The following ALDH1A2 variants were observed in gnomAD, a reference collection of about 807,000 sequenced individuals.
The protein encoded by ALDH1A2 is retinal dehydrogenase 2.
Under a neutral mutation model 60.3 loss-of-function variants are expected in ALDH1A2, and 27 were observed. That is an observed-to-expected ratio of 0.45 (90% CI 0.33 to 0.62). The LOEUF (loss-of-function observed/expected upper bound fraction) is 0.62. Ranked by LOEUF, ALDH1A2 falls within the 20% of genes least tolerant of loss-of-function variation. The pLI is 0.02. For missense variants in ALDH1A2, 581 were observed against 643.8 expected, an observed-to-expected ratio of 0.90 and a Z score of 1.06; for synonymous variants, 289 against 232.4, an observed-to-expected ratio of 1.24 and a Z score of -2.21.
At chr15:58,057,072 T>C (rs1329258059) in intron 1 of ALDH1A2, among the ~76,000 whole-genome samples, 3 of 152,112 alleles carry the variant, frequency 2.0e-5, no homozygotes, top group Non-Finnish European at 4.4e-5. Context: ...CTTTTAGGTA[T>C]ACATCCTAGA....
At chr15:57,990,831 G>A (rs1185627812) in intron 7 of ALDH1A2, among the ~76,000 whole-genome samples, 2 of 144,174 alleles carry the variant, frequency 1.4e-5, no homozygotes, top group Admixed American at 7.3e-5. Context: ...AGACAAGATT[G>A]TGCCACTTCA....
intron 7 of ALDH1A2, 58 bp from the exon 8 acceptor site, chr15:57,965,885 G>A (rs1893880717): frequency 7.6e-7 from 1 of 1,318,728 alleles, no homozygotes; most frequent in African/African-American, 1.4e-5. Flanking sequence ...ACAGTCACCG[G>A]CCAATGCCAG....
At chr15:58,015,982 A>G (rs1461982947) in intron 1 of ALDH1A2, among the ~76,000 whole-genome samples, 1 of 152,182 alleles carries the variant, frequency 6.6e-6, no homozygotes, top group African/African-American at 2.4e-5. Flanking sequence ...ACAAAAGGAG[A>G]AAATTAAAAA....
chr15:58,060,921 A>AT (rs1276965950), intron 1 of ALDH1A2, among the ~76,000 whole-genome samples: 1 of 152,166 alleles, frequency 6.6e-6, no homozygotes, highest in African/African-American at 2.4e-5. Flanking sequence ...ATATTTACTG[A>AT]TTTTGTCATG....
intron 4 of ALDH1A2, among the ~76,000 whole-genome samples, chr15:58,005,082 G>C (rs1895405211): frequency 6.6e-6 from 1 of 151,690 alleles, no homozygotes; most frequent in Non-Finnish European, 1.5e-5. Flanking sequence ...CCAGACTTGG[G>C]GCTCTACTGT....
intron 4 of ALDH1A2, among the ~76,000 whole-genome samples, chr15:58,001,278 C>G (rs151220332): frequency 3.3e-5 from 5 of 152,002 alleles, no homozygotes; most frequent in African/African-American, 1.2e-4. Flanking sequence ...CCCATAAAAA[C>G]ATATTAATGA....
At chr15:58,014,620 A>G (rs904523042) in intron 1 of ALDH1A2, 11 of 450,326 alleles carry the variant, frequency 2.4e-5, no homozygotes, top group African/African-American at 1.6e-4. Flanking sequence ...GCTAGTATCC[A>G]TGAGGGTTAA....
At chr15:58,051,575 C>T (rs1357145091) in intron 1 of ALDH1A2, among the ~76,000 whole-genome samples, 5 of 152,122 alleles carry the variant, frequency 3.3e-5, no homozygotes, top group Non-Finnish European at 7.4e-5. Flanking sequence ...ACCCGGAATT[C>T]CTCTACAAGA....
At chr15:58,062,299 G>A (rs1407781905) in intron 1 of ALDH1A2, among the ~76,000 whole-genome samples, 1 of 152,052 alleles carries the variant, frequency 6.6e-6, no homozygotes, top group African/African-American at 2.4e-5. Context: ...ACAGCACAAC[G>A]ATCTGGGGGA....
rs1157930014 is a variant in ALDH1A2 at position 57,961,136 on chromosome 15, C to T, written c.1409+1G>A. On this transcript the variant is annotated splice_donor_variant, in intron 11 of 12. Coordinates refer to ENST00000249750, the MANE Select transcript of ALDH1A2 (RefSeq NM_003888.4). LOFTEE classifies it high-confidence loss of function. ...TGTTACAAGACTGACTCTGATCTTA[C>T]CAAACAGTCCCAGCTTGCATTGCAG... 1 of 1,613,994 alleles carries T rather than the reference C, an allele frequency of 6.2e-7. No individual in the cohort carries two copies. The highest frequency in any genetic ancestry group is 8.5e-7 in the Non-Finnish European group (1 of 1,179,978).
At chr15:58,024,622 A>C (rs1312647586) in intron 1 of ALDH1A2, among the ~76,000 whole-genome samples, 1 of 152,172 alleles carries the variant, frequency 6.6e-6, no homozygotes, top group Non-Finnish European at 1.5e-5. Context: ...GGACTTCAAC[A>C]CCCTCACTGT....
At chr15:57,994,974 C>T in intron 5 of ALDH1A2, 104 bp downstream of exon 5, 1 of 1,135,406 alleles carries the variant, frequency 8.8e-7, no homozygotes, top group Admixed American at 1.7e-5. Flanking sequence ...GTTTTTTTTC[C>T]TCCAGTAATG....
chr15:58,014,557 C>G, intron 1 of ALDH1A2: 1 of 496,354 alleles, frequency 2.0e-6, no homozygotes, highest in Admixed American at 2.3e-5. Flanking sequence ...GTCTCACATA[C>G]ATACAATCAT....
intron 7 of ALDH1A2, among the ~76,000 whole-genome samples, chr15:57,972,431 G>C (rs1186947990): frequency 2.6e-5 from 4 of 152,192 alleles, no homozygotes; most frequent in Non-Finnish European, 1.5e-5. Context: ...TCAAGGTTTT[G>C]ATTGTCTTGG....
chr15:58,015,792 A>C (rs1895773482), intron 1 of ALDH1A2, among the ~76,000 whole-genome samples: 1 of 152,220 alleles, frequency 6.6e-6, no homozygotes, highest in Admixed American at 6.5e-5. Context: ...CAATACACAT[A>C]ATTTCCAGGA....
chr15:58,036,342 A>T (rs1439622749), intron 1 of ALDH1A2, among the ~76,000 whole-genome samples: 2 of 151,634 alleles, frequency 1.3e-5, no homozygotes, highest in African/African-American at 4.8e-5. Context: ...ATATTTATCC[A>T]AGATCTAGAT....
At chr15:58,054,076 A>T (rs757229282) in intron 1 of ALDH1A2, among the ~76,000 whole-genome samples, 1 of 152,126 alleles carries the variant, frequency 6.6e-6, no homozygotes, top group Non-Finnish European at 1.5e-5. Context: ...CTCCCAAAGG[A>T]CCATTTAGGC....
At chr15:58,060,456 C>A (rs1295547582) in intron 1 of ALDH1A2, among the ~76,000 whole-genome samples, 9 of 143,256 alleles carry the variant, frequency 6.3e-5, no homozygotes, top group Non-Finnish European at 1.2e-4. Flanking sequence ...TAAGATGCCA[C>A]ACATATCTTT....
chr15:57,990,377 GTTT>G (rs1255208069), intron 7 of ALDH1A2: 1 of 152,070 alleles, frequency 6.6e-6, no homozygotes, highest in African/African-American at 2.4e-5. Flanking sequence ...GTCTCCAAAG[GTTT>G]TTATTTCAGC....
Sources: allele counts gnomAD v4.1 joint callset (sites outside exome capture counted in the v4.1 genomes callset), GRCh38; gene constraint gnomAD v4.1.1; transcripts MANE v1.5; gene names NCBI Gene and HGNC (gene_info 2026-07-23, HGNC 2026-07-21).